NCK2: variants seen among roughly 807,000 people sequenced by gnomAD.
The protein encoded by NCK2 is cytoplasmic protein NCK2.
In NCK2, 16 loss-of-function variants were observed where a neutral mutation model predicts 33.9. That is an observed-to-expected ratio of 0.47 (90% CI 0.32 to 0.72). NCK2 has a LOEUF of 0.72. NCK2 is among the 30% of genes least tolerant of loss of function. The pLI is 0.03. For missense variants in NCK2, 418 were observed against 537.3 expected (o/e 0.78, Z 2.19); for synonymous variants, 273 against 239.9 (o/e 1.14, Z -1.27).
chr2:105,830,285 C>T (rs1182184695), intron 2 of NCK2, among the ~76,000 whole-genome samples: 1 of 152,164 alleles, frequency 6.6e-6, no homozygotes, highest in Admixed American at 6.5e-5. Flanking sequence ...TATGCATCAG[C>T]TTTTGTAGCT....
intron 3 of NCK2, among the ~76,000 whole-genome samples, chr2:105,880,611 G>T (rs1181685871): frequency 6.6e-6 from 1 of 152,124 alleles, no homozygotes; most frequent in Admixed American, 6.5e-5. Context: ...AGTTCTAACG[G>T]GTCTTTGAAT....
intron 1 of NCK2, among the ~76,000 whole-genome samples, chr2:105,758,441 C>T (rs144028098): frequency 0.015 from 2,216 of 144,102 alleles, 23 homozygotes; most frequent in Non-Finnish European, 0.018. Context: ...GACAGAGTCT[C>T]GCTCTGTCAC....
intron 1 of NCK2, among the ~76,000 whole-genome samples, chr2:105,795,580 G>A (rs10469861): frequency 0.022 from 3,334 of 152,192 alleles, 117 homozygotes; most frequent in African/African-American, 0.073. Context: ...TGTATGCTCC[G>A]TCAGTGGTTC....
chr2:105,823,738 C>T (rs1157401697), intron 2 of NCK2, among the ~76,000 whole-genome samples: 1 of 152,026 alleles, frequency 6.6e-6, no homozygotes, highest in East Asian at 1.9e-4. Context: ...TTGTATCTCC[C>T]TGGAAAGTAA....
chr2:105,754,985 G>A (rs1689559856), intron 1 of NCK2, among the ~76,000 whole-genome samples: 1 of 150,844 alleles, frequency 6.6e-6, no homozygotes, highest in East Asian at 1.9e-4. Flanking sequence ...ACTTTTTTGT[G>A]TGTGACTCCC....
At chr2:105,754,416 C>T (rs767899136) in intron 1 of NCK2, among the ~76,000 whole-genome samples, 23 of 152,280 alleles carry the variant, frequency 1.5e-4, no homozygotes, top group Non-Finnish European at 3.2e-4. Context: ...TTTTCCTTAA[C>T]GGTTATGTCT....
chr2:105,798,669 G>A (rs1335424828), intron 1 of NCK2, among the ~76,000 whole-genome samples: 1 of 152,194 alleles, frequency 6.6e-6, no homozygotes, highest in Non-Finnish European at 1.5e-5. Context: ...GAGGTTGCTG[G>A]TGATTAAGTT....
intron 1 of NCK2, among the ~76,000 whole-genome samples, chr2:105,770,139 A>G (rs997867216): frequency 1.1e-4 from 16 of 151,052 alleles, no homozygotes; most frequent in Middle Eastern, 6.9e-3. Context: ...AAAAAAAAAA[A>G]AAAGAAAAAG....
rs150931452 is a variant in NCK2 at position 105,866,604 on chromosome 2, T to G, written c.226+11315T>G. Among the ~76,000 whole-genome samples, 646 of 152,160 alleles carry G rather than the reference T, an allele frequency of 4.2e-3. 2 individuals carry two copies. The highest frequency in any genetic ancestry group is 0.014 in the African/African-American group (587 of 41,476). On this transcript the variant is annotated intron_variant, in intron 3 of 4. Transcript: ENST00000233154. ...CCCTCACAGGCGTAGTTCACAATAG[T>G]GTTTGCGCTCCTGTGAGAATCTAAT...
intron 1 of NCK2, among the ~76,000 whole-genome samples, chr2:105,759,889 C>T (rs756886237): frequency 2.6e-5 from 4 of 151,936 alleles, no homozygotes; most frequent in African/African-American, 7.3e-5. Context: ...GTAGAGTTAC[C>T]GGTTTGGGGA....
chr2:105,785,940 G>A (rs934976720), intron 1 of NCK2, among the ~76,000 whole-genome samples: 4 of 152,164 alleles, frequency 2.6e-5, no homozygotes, highest in African/African-American at 9.7e-5. Flanking sequence ...TTTAACTTGG[G>A]CGACTGGTTC....
At chr2:105,830,560 A>G (rs1189198636) in intron 2 of NCK2, among the ~76,000 whole-genome samples, 1 of 147,968 alleles carries the variant, frequency 6.8e-6, no homozygotes, top group Non-Finnish European at 1.5e-5. Flanking sequence ...TGTCACATCA[A>G]TATACTCATT....
chr2:105,763,355 G>A (rs1297415884), intron 1 of NCK2, among the ~76,000 whole-genome samples: 1 of 152,154 alleles, frequency 6.6e-6, no homozygotes, highest in Non-Finnish European at 1.5e-5. Flanking sequence ...AGTCTACACA[G>A]GCATTGCAGA....
intron 4 of NCK2, among the ~76,000 whole-genome samples, chr2:105,892,581 A>ATC (rs1307105504): frequency 7.6e-6 from 1 of 131,154 alleles, no homozygotes; most frequent in Non-Finnish European, 1.6e-5. Context: ...CATGCCTGTA[A>ATC]TCCGAGCAAT....
intron 2 of NCK2, among the ~76,000 whole-genome samples, chr2:105,835,024 T>C (rs766636504): frequency 2.6e-5 from 4 of 152,136 alleles, no homozygotes; most frequent in Non-Finnish European, 5.9e-5. Context: ...CTCTTGTAAC[T>C]ATGTTAAGTA....
intron 3 of NCK2, among the ~76,000 whole-genome samples, chr2:105,858,016 G>A (rs1677353310): frequency 6.7e-6 from 1 of 149,852 alleles, no homozygotes; most frequent in African/African-American, 2.5e-5. Context: ...GTGTGTGTTT[G>A]TGTTTTGTTT....
At chr2:105,808,358 T>C (rs1675164977) in intron 1 of NCK2, among the ~76,000 whole-genome samples, 1 of 152,226 alleles carries the variant, frequency 6.6e-6, no homozygotes, top group South Asian at 2.1e-4. Flanking sequence ...ATGGACCCTG[T>C]AGAAAATCCC....
At chr2:105,825,229 G>T (rs1675896110) in intron 2 of NCK2, among the ~76,000 whole-genome samples, 1 of 152,284 alleles carries the variant, frequency 6.6e-6, no homozygotes, top group East Asian at 1.9e-4. Context: ...TCTCGAGTGG[G>T]CAGACAGGAC....
chr2:105,801,978 G>A (rs565319761), intron 1 of NCK2, among the ~76,000 whole-genome samples: 16 of 152,270 alleles, frequency 1.1e-4, no homozygotes, highest in Admixed American at 7.2e-4. Context: ...GATTGGTAGC[G>A]ATTGGACAGC....
Sources: allele counts gnomAD v4.1 joint callset (sites outside exome capture counted in the v4.1 genomes callset), GRCh38; gene constraint gnomAD v4.1.1; transcripts MANE v1.5; gene names NCBI Gene and HGNC (gene_info 2026-07-23, HGNC 2026-07-21).